CMSS1: variants seen among roughly 807,000 people sequenced by gnomAD.
CMSS1 encodes protein CMSS1.
A neutral mutation model predicts 43.5 loss-of-function variants in CMSS1; 33 were observed. That is an observed-to-expected ratio of 0.76 (90% CI 0.57 to 1.01). CMSS1 has a LOEUF of 1.01. Among genes scored for constraint, CMSS1 ranks in the 50% least tolerant of loss-of-function variants. The probability of loss-of-function intolerance (pLI) is 0.00; values close to 1 mark genes in which losing one functional copy is unlikely to be tolerated. For synonymous variants in CMSS1, 115 were observed against 117.2 expected, an observed-to-expected ratio of 0.98 and a Z score of 0.12; for missense variants, 313 against 326.4, an observed-to-expected ratio of 0.96 and a Z score of 0.32.
intron 1 of CMSS1, among the ~76,000 whole-genome samples, chr3:99,967,228 G>C (rs1042930971): frequency 3.3e-5 from 5 of 152,176 alleles, no homozygotes; most frequent in Non-Finnish European, 5.9e-5. Context: ...CAAATCAGCT[G>C]ATTTCTCTGC....
chr3:99,909,929 G>C (rs1310115541), intron 1 of CMSS1, among the ~76,000 whole-genome samples: 1 of 138,452 alleles, frequency 7.2e-6, no homozygotes, highest in Non-Finnish European at 1.7e-5. Context: ...TTGTCAACAA[G>C]AGCTGTTGTC....
At chr3:100,072,689 G>A (rs375279025) in intron 1 of CMSS1, among the ~76,000 whole-genome samples, 22 of 152,296 alleles carry the variant, frequency 1.4e-4, no homozygotes, top group African/African-American at 5.3e-4. Context: ...CTTGAACACA[G>A]CTGAAATACA....
At chr3:99,907,828 G>T (rs754748027) in intron 1 of CMSS1, among the ~76,000 whole-genome samples, 4 of 152,130 alleles carry the variant, frequency 2.6e-5, no homozygotes, top group Non-Finnish European at 5.9e-5. Flanking sequence ...AGCCATTCCT[G>T]ATCCCCTAAT....
chr3:99,822,114 T>C (rs1369851264), intron 1 of CMSS1, among the ~76,000 whole-genome samples: 1 of 152,150 alleles, frequency 6.6e-6, no homozygotes. Context: ...ACTAATTGCT[T>C]TCCCTTTTTA....
chr3:99,935,306 T>C (rs1429984686), intron 1 of CMSS1, among the ~76,000 whole-genome samples: 1 of 150,018 alleles, frequency 6.7e-6, no homozygotes, highest in Non-Finnish European at 1.5e-5. Flanking sequence ...GTATGCCAAA[T>C]AATGATACTT....
intron 1 of CMSS1, among the ~76,000 whole-genome samples, chr3:100,045,812 G>C (rs1039828968): frequency 3.3e-5 from 5 of 152,212 alleles, no homozygotes; most frequent in African/African-American, 1.2e-4. Flanking sequence ...ATGTCAGCAA[G>C]GCCTTCTGGG....
intron 1 of CMSS1, among the ~76,000 whole-genome samples, chr3:100,053,051 C>A (rs1222645017): frequency 6.6e-6 from 1 of 152,142 alleles, no homozygotes; most frequent in Non-Finnish European, 1.5e-5. Context: ...TATTTCTATT[C>A]TCTCCTGAAA....
At chr3:99,980,312 A>G (rs1489785715) in intron 1 of CMSS1, among the ~76,000 whole-genome samples, 2 of 152,102 alleles carry the variant, frequency 1.3e-5, no homozygotes, top group Non-Finnish European at 2.9e-5. Context: ...TCTGTATCTC[A>G]GTTTGCTCAC....
chr3:99,913,856 G>A (rs146088921), intron 1 of CMSS1, among the ~76,000 whole-genome samples: 74 of 152,206 alleles, frequency 4.9e-4, no homozygotes, highest in Admixed American at 1.4e-3. Flanking sequence ...TTGCTAATGC[G>A]TTTCTTCTGA....
At chr3:99,867,722 G>A (rs1361487809) in intron 1 of CMSS1, among the ~76,000 whole-genome samples, 2 of 152,116 alleles carry the variant, frequency 1.3e-5, no homozygotes, top group Non-Finnish European at 1.5e-5. Flanking sequence ...AATCTTTAGA[G>A]TCCTTTCCTC....
intron 1 of CMSS1, among the ~76,000 whole-genome samples, chr3:100,099,815 T>G (rs1172648737): frequency 1.3e-5 from 2 of 152,144 alleles, no homozygotes; most frequent in Non-Finnish European, 2.9e-5. Flanking sequence ...TTTGAACCAC[T>G]TAAGTATGGT....
chr3:99,952,533 A>G (rs1331292396), intron 1 of CMSS1, among the ~76,000 whole-genome samples: 1 of 152,162 alleles, frequency 6.6e-6, no homozygotes, highest in African/African-American at 2.4e-5. Flanking sequence ...TAGAAGCCAC[A>G]AGGAATGGAT....
rs962557650 is a variant in CMSS1, at chr3:99,930,347, C to A, written c.64+112304C>A. ...TTTTCAGGGGGTAGGAAATAAAATT[C>A]TCCTATATGTGTACCAGCTGTTTTT... On this transcript the variant is annotated intron_variant, in intron 1 of 9. Coordinates refer to ENST00000421999, the MANE Select transcript of CMSS1 (RefSeq NM_032359.4). 3.9e-5 allele frequency among the ~76,000 whole-genome samples: 6 copies of A among 152,228 alleles called. No homozygotes were observed. In the East Asian group the frequency reaches 9.7e-4, roughly 25 times the overall value.
chr3:99,863,727 G>A lies in CMSS1; in HGVS notation c.64+45684G>A, dbSNP rs1018349302. 4.6e-5 allele frequency among the ~76,000 whole-genome samples: 7 copies of A among 152,160 alleles called. No individual in the cohort carries two copies. In the East Asian group the frequency reaches 5.8e-4, roughly 13 times the overall value. On this transcript the variant is annotated intron_variant, in intron 1 of 9. Transcript: ENST00000421999. Reference sequence around the variant, plus strand: ...TATTTCAAAATGTGTGTATTAAAACGTATACTAGGAACAGTCTTCCTCTTA... The same window carrying A: ...TATTTCAAAATGTGTGTATTAAAACATATACTAGGAACAGTCTTCCTCTTA...
intron 1 of CMSS1, among the ~76,000 whole-genome samples, chr3:99,878,642 G>A (rs1309979478): frequency 6.6e-6 from 1 of 152,058 alleles, no homozygotes; most frequent in African/African-American, 2.4e-5. Context: ...TCTTTTTTGT[G>A]GATTTGTGGA....
At chr3:99,946,997 C>T (rs951247726) in intron 1 of CMSS1, among the ~76,000 whole-genome samples, 1 of 151,868 alleles carries the variant, frequency 6.6e-6, no homozygotes, top group African/African-American at 2.4e-5. Flanking sequence ...ATTAGCGGGG[C>T]GTGGTGGCAG....
intron 4 of CMSS1, among the ~76,000 whole-genome samples, chr3:100,165,101 G>T (rs1453698206): frequency 6.6e-6 from 1 of 152,200 alleles, no homozygotes; most frequent in South Asian, 2.1e-4. Flanking sequence ...ACCCCCAAGA[G>T]ATTCTAATTC....
intron 1 of CMSS1, among the ~76,000 whole-genome samples, chr3:99,899,352 C>A (rs1421005619): frequency 2.0e-5 from 3 of 152,090 alleles, no homozygotes; most frequent in Admixed American, 6.5e-5. Flanking sequence ...ATGATGCATT[C>A]CTTTAGCCTT....
chr3:99,975,010 A>C (rs2107723611), intron 1 of CMSS1, among the ~76,000 whole-genome samples: 1 of 152,284 alleles, frequency 6.6e-6, no homozygotes, highest in Middle Eastern at 3.4e-3. Context: ...TTTATGACAA[A>C]AGATCAACAG....
Sources: gnomAD v4.1 joint callset for allele counts (sites outside exome capture counted in the v4.1 genomes callset) on GRCh38, gnomAD v4.1.1 for gene constraint, MANE v1.5 for transcripts, NCBI Gene and HGNC (gene_info 2026-07-23, HGNC 2026-07-21) for gene names.